Variants in INTS5 observed in about 807,000 individuals in gnomAD.
INTS5 encodes integrator complex subunit 5.
Under a neutral mutation model 60.0 loss-of-function variants are expected in INTS5, and 29 were observed. That is an observed-to-expected ratio of 0.48 (90% CI 0.36 to 0.66). INTS5 has a LOEUF of 0.66. INTS5 is among the 30% of genes least tolerant of loss of function. The probability of loss-of-function intolerance (pLI) is 0.00; values close to 1 mark genes in which losing one functional copy is unlikely to be tolerated. For synonymous variants in INTS5, 588 were observed against 558.8 expected, an observed-to-expected ratio of 1.05 and a Z score of -0.74; for missense variants, 1,129 against 1,307.9, an observed-to-expected ratio of 0.86 and a Z score of 2.11.
chr11:62,649,185 C>G lies in INTS5; in HGVS notation c.895G>C (p.Gly299Arg). The G allele has an allele frequency of 6.2e-7, 1 of 1,613,896 alleles. No individual in the cohort carries two copies. The highest frequency in any genetic ancestry group is 8.5e-7 in the Non-Finnish European group (1 of 1,179,818). Residue 299 changes from glycine (G) to arginine (R), a missense_variant, in exon 2 of 2, where the codon GGT (glycine) becomes CGT (arginine). By Grantham distance (125) the Gly-to-Arg change is moderately radical. Transcript: ENST00000330574. The surrounding 1 kb of genome is among the most constrained non-coding windows in gnomAD (Gnocchi z 6.0). ...TCTCCGTGGCGGGAGGCCAGGTGAC[C>G]TAGGATGCCTACAACTGAGGCAATC... ...PKIASVVGIL[G>R]HLASRHGDSI...
rs1431962175 is a variant in INTS5, at chr11:62,649,970, G to A, written c.110C>T (p.Ala37Val). The change falls in exon 2 of 2, where the codon GCT becomes GTT. Residue 37 changes from alanine (A) to valine (V), a missense_variant. Physicochemically the swap from Ala to Val is moderately conservative, Grantham distance 64. Transcript: ENST00000330574. This position sits in a 1 kb window ranked among gnomAD's most constrained non-coding sequence, Gnocchi z 6.0. ...AATGGGGTCTACGCCAGTCAGAAAA[G>A]CCTTGATTTCCTGGGACAGCTCCTG... ...SAQELSQEIK[A>V]FLTGVDPILG... The A allele has an allele frequency of 6.2e-7, 1 of 1,614,174 alleles. No homozygotes were observed. The highest frequency in any genetic ancestry group is 1.1e-5 in the South Asian group (1 of 91,088).
In INTS5 at chr11:62,647,133, G is replaced by T; in HGVS notation, c.2947C>A (p.Pro983Thr). Reference protein sequence around the residue: ...FSREGGGEGGPHLAVLHSVLH... With the variant: ...FSREGGGEGGTHLAVLHSVLH... The stretch of plus-strand genomic sequence containing the variant: ...ACACTGTGCAGCACAGCCAGATGGG[G>T]TCCACCCTCACCTCCACCCTCCCTG... Residue 983 changes from proline to threonine, a missense_variant, in exon 2 of 2, where the codon CCC (proline) becomes ACC (threonine). Pro to Thr is a conservative substitution (Grantham distance 38). Coordinates refer to ENST00000330574, the MANE Select transcript of INTS5 (RefSeq NM_030628.2). 1.2e-6 allele frequency: 2 copies of T among 1,614,148 alleles called. No homozygotes were observed. Among genetic ancestry groups the T allele is most frequent in the Non-Finnish European group, 1.7e-6 (2 of 1,180,010 alleles).
chr11:62,648,612 G>T lies in INTS5; in HGVS notation c.1468C>A (p.Arg490=), dbSNP rs747879509. 8 of 1,614,058 alleles carry T rather than the reference G, an allele frequency of 5.0e-6. No individual in the cohort carries two copies. The highest frequency in any genetic ancestry group is 2.2e-5 in the South Asian group (2 of 91,082). ...HVGELCGETL[R]LERKRFLWQH... is the part of the protein sequence containing the mutation. ...CAGAGGAAGCGCTTCCGTTCCAATC[G>T]TAACGTCTCTCCACACAGCTCTCCA... The change falls in exon 2 of 2, where the codon CGA becomes AGA. Residue 490 remains arginine, a synonymous_variant. Transcript: ENST00000330574. This position sits in a 1 kb window ranked among gnomAD's most constrained non-coding sequence, Gnocchi z 4.4.
In INTS5 at chr11:62,648,215, G is replaced by A; in HGVS notation, c.1865C>T (p.Ala622Val). 2 of 1,613,692 alleles carry A rather than the reference G, an allele frequency of 1.2e-6. No individual in the cohort carries two copies. Among genetic ancestry groups the A allele is most frequent in the Non-Finnish European group, 1.7e-6 (2 of 1,179,932 alleles). ...GGCCAGGAGAGAGGCAGCAGCTTCA[G>A]CTACTTCCTCCTCAGGATGTAGCAG... is the stretch of plus-strand genomic sequence containing the variant. ...PLLLHPEEEV[A>V]EAAASLLAIC... Residue 622 changes from alanine to valine, a missense_variant, in exon 2 of 2, where the codon GCT becomes GTT. Ala to Val is a moderately conservative substitution (Grantham distance 64). Around this residue, in one of 3 missense-constraint regions of INTS5, gnomAD observed 1,070 missense variants for 1,246.1 expected, o/e 0.86. Transcript: ENST00000330574. The surrounding 1 kb of genome is among the most constrained non-coding windows in gnomAD (Gnocchi z 4.4).
Position 62,649,212 on chromosome 11 carries a change from T to C in INTS5, c.868A>G (p.Lys290Glu), listed in dbSNP as rs1211641662. 1 of 1,613,768 alleles carries C rather than the reference T, an allele frequency of 6.2e-7. No homozygotes were observed. Among genetic ancestry groups the C allele is most frequent in the Non-Finnish European group, 8.5e-7 (1 of 1,179,812 alleles). ...PAIPAEKRVP[K>E]IASVVGILGH... is the part of the protein sequence containing the mutation. ...AGGATGCCTACAACTGAGGCAATCTTGGGCACCCGTTTCTCCGCAGGAATG... is the reference window on the plus strand; with the variant it reads ...AGGATGCCTACAACTGAGGCAATCTCGGGCACCCGTTTCTCCGCAGGAATG... Residue 290 changes from lysine to glutamate, a missense_variant, in exon 2 of 2, where the codon AAG (lysine) becomes GAG (glutamate). Around this residue, in one of 3 missense-constraint regions of INTS5, gnomAD observed 1,070 missense variants for 1,246.1 expected, o/e 0.86. Coordinates refer to ENST00000330574, the MANE Select transcript of INTS5 (RefSeq NM_030628.2). This position sits in a 1 kb window ranked among gnomAD's most constrained non-coding sequence, Gnocchi z 6.0.
In INTS5 at chr11:62,648,377, G is replaced by A; in HGVS notation, c.1703C>T (p.Pro568Leu). 1 of 1,614,178 alleles carries A rather than the reference G, an allele frequency of 6.2e-7. No homozygotes were observed. The highest frequency in any genetic ancestry group is 1.6e-4 in the Middle Eastern group (1 of 6,062). ...GCGCAGGAACCGGGCCGTGAAGGGA[G>A]GCTGTAATGTCCCTGCATGCACCCG... is the stretch of plus-strand genomic sequence containing the variant. ...LARVHAGTLQ[P>L]PFTARFLRNL... Residue 568 changes from proline to leucine, a missense_variant, in exon 2 of 2, where the codon CCT (proline) becomes CTT (leucine). Physicochemically the swap from Pro to Leu is moderately conservative, Grantham distance 98. Transcript: ENST00000330574. This position sits in a 1 kb window ranked among gnomAD's most constrained non-coding sequence, Gnocchi z 4.4.
intron 1 of INTS5, among the ~76,000 whole-genome samples, chr11:62,650,764 G>C (rs1944587220): frequency 6.6e-6 from 1 of 152,074 alleles, no homozygotes; most frequent in South Asian, 2.1e-4. Flanking sequence ...CTGGAGTGCA[G>C]TGCCAAGATC....
rs74418227 is a variant in INTS5 at position 62,648,690 on chromosome 11, G to A, written c.1390C>T (p.Pro464Ser). 5,091 of 1,614,068 alleles carry A rather than the reference G, an allele frequency of 3.2e-3. 9 individuals are homozygous for A. The highest frequency in any genetic ancestry group is 4.0e-3 in the Non-Finnish European group (4,755 of 1,180,006). ...GGCACCAAGCGGGGAGGTGGGGGCG[G>A]GCCTAGCACCCCTTCCCCAGGAGAC... The part of the protein sequence containing the change: ...GGSPGEGVLG[P>S]PPPPRLVPFL... Residue 464 changes from proline (P) to serine (S), a missense_variant, in exon 2 of 2, where the codon CCG (proline) becomes TCG (serine). Pro to Ser is a moderately conservative substitution (Grantham distance 74). Coordinates refer to ENST00000330574, the MANE Select transcript of INTS5 (RefSeq NM_030628.2). This position sits in a 1 kb window ranked among gnomAD's most constrained non-coding sequence, Gnocchi z 4.4.
chr11:62,647,387 G>T lies in INTS5; in HGVS notation c.2693C>A (p.Thr898Asn). The stretch of plus-strand genomic sequence containing the variant: ...TGCCTCCAGGTGCCAGGGGGAGTGG[G>T]TCGTGTCAGGGTGGCGAGAGGCTTC... ...HWEASRHPDT[T>N]HSPWHLEASC... The change falls in exon 2 of 2, where the codon ACC (threonine) becomes AAC (asparagine). Residue 898 changes from threonine (T) to asparagine (N), a missense_variant. Coordinates refer to ENST00000330574, the MANE Select transcript of INTS5 (RefSeq NM_030628.2). The T allele has an allele frequency of 6.2e-7, 1 of 1,612,936 alleles. No homozygotes were observed. Among genetic ancestry groups the T allele is most frequent in the Non-Finnish European group, 8.5e-7 (1 of 1,179,548 alleles).
Position 62,653,182 on chromosome 11 carries a change from G to A in INTS5, c.68C>T (p.Pro23Leu). ...PPGPAPATHG[P>L]APLSAQELSQ... ...GGGCTCTAACTACCTGAGAGGCGCG[G>A]GACCGTGGGTGGCCGGGGCAGGCCC... Residue 23 changes from proline (P) to leucine (L), a missense_variant, in exon 1 of 2, where the codon CCC becomes CTC. Physicochemically the swap from Pro to Leu is moderately conservative, Grantham distance 98. Around this residue, in one of 3 missense-constraint regions of INTS5, gnomAD observed 54 missense variants for 43.1 expected, o/e 1.25. Transcript: ENST00000330574. The A allele has an allele frequency of 4.0e-6, 5 of 1,247,524 alleles. No individual in the cohort carries two copies. Among genetic ancestry groups the A allele is most frequent in the Non-Finnish European group, 5.1e-6 (5 of 987,358 alleles). 77.3% of individuals were successfully genotyped at this position (1,247,524 alleles called of 1,614,324 possible).
chr11:62,646,848 TG>T lies in INTS5; in HGVS notation c.*171del. On this transcript the variant is annotated 3_prime_UTR_variant, in exon 2 of 2. Coordinates refer to ENST00000330574, the MANE Select transcript of INTS5 (RefSeq NM_030628.2). ...TCTCAGCATGACAGAAGCACTGGAC[TG>T]GTTTTCTCAAGTTGGCAAATTTTAT... The T allele has an allele frequency of 2.8e-6, 2 of 723,574 alleles. No homozygotes were observed. The highest frequency in any genetic ancestry group is 2.2e-6 in the Non-Finnish European group (1 of 445,480). 44.8% of individuals were successfully genotyped at this position (723,574 alleles called of 1,614,324 possible). A position where few individuals can be genotyped will look rare whatever the true frequency, so the allele number is the denominator to read the frequency against.
Position 62,653,197 on chromosome 11 carries a change from G to C in INTS5, c.53C>G (p.Pro18Arg). ...GAGAGGCGCGGGACCGTGGGTGGCCGGGGCAGGCCCAGGTGGCCCTGGGGC... is the reference window on the plus strand; with the variant it reads ...GAGAGGCGCGGGACCGTGGGTGGCCCGGGCAGGCCCAGGTGGCCCTGGGGC... ...PGAPGPPGPA[P>R]ATHGPAPLSA... Residue 18 changes from proline to arginine, a missense_variant, in exon 1 of 2, where the codon CCG (proline) becomes CGG (arginine). Around this residue, in one of 3 missense-constraint regions of INTS5, gnomAD observed 54 missense variants for 43.1 expected, o/e 1.25. Transcript: ENST00000330574. The C allele has an allele frequency of 8.0e-7, 1 of 1,247,524 alleles. No individual in the cohort carries two copies. Among genetic ancestry groups the C allele is most frequent in the Non-Finnish European group, 1.0e-6 (1 of 987,620 alleles). The allele number at this position is 1,247,524 out of a possible 1,614,324, so 77.3% of individuals were successfully genotyped here. A position where few individuals can be genotyped will look rare whatever the true frequency, so the allele number is the denominator to read the frequency against.
rs1189664305 is a variant in INTS5 at position 62,653,281 on chromosome 11, C to T, written c.-32G>A. ...GCCCGAGCCGAGCCCGAGGCGCGAGCGGCGGAGCGCAGGCGGCGCATGCGC... is the reference window on the plus strand; with the variant it reads ...GCCCGAGCCGAGCCCGAGGCGCGAGTGGCGGAGCGCAGGCGGCGCATGCGC... On this transcript the variant is annotated 5_prime_UTR_variant, in exon 1 of 2. Coordinates refer to ENST00000330574, the MANE Select transcript of INTS5 (RefSeq NM_030628.2). The T allele has an allele frequency of 8.1e-7, 1 of 1,236,548 alleles. No individual in the cohort carries two copies. Among genetic ancestry groups the T allele is most frequent in the Non-Finnish European group, 1.0e-6 (1 of 982,508 alleles). 76.6% of individuals were successfully genotyped at this position (1,236,548 alleles called of 1,614,324 possible). A position where few individuals can be genotyped will look rare whatever the true frequency, so the allele number is the denominator to read the frequency against.
At chr11:62,650,902 T>C (rs1944587965) in intron 1 of INTS5, among the ~76,000 whole-genome samples, 1 of 152,014 alleles carries the variant, frequency 6.6e-6, no homozygotes, top group Admixed American at 6.6e-5. Flanking sequence ...AGAAATGAGG[T>C]CTGGCTATGT....
In INTS5 at chr11:62,648,640, A is replaced by G. The variant is rs887148636; in HGVS notation, c.1440T>C (p.His480=). The G allele has an allele frequency of 3.0e-5, 49 of 1,613,716 alleles. No homozygotes were observed. Among genetic ancestry groups the G allele is most frequent in the Non-Finnish European group, 4.1e-5 (48 of 1,179,896 alleles). Residue 480 remains histidine (H), a synonymous_variant, in exon 2 of 2, where the codon CAT becomes CAC. Coordinates refer to ENST00000330574, the MANE Select transcript of INTS5 (RefSeq NM_030628.2). The surrounding 1 kb of genome is among the most constrained non-coding windows in gnomAD (Gnocchi z 4.4). The part of the protein sequence containing the change: ...LVPFLDALKN[H]VGELCGETLR... The stretch of plus-strand genomic sequence containing the variant: ...ACGTCTCTCCACACAGCTCTCCAAC[A>G]TGGTTTTTGAGCGCATCTAAAAAGG...
chr11:62,653,106 C>T, intron 1 of INTS5, 64 bp downstream of exon 1: 3 of 1,040,284 alleles, frequency 2.9e-6, no homozygotes, highest in Non-Finnish European at 3.8e-6. Context: ...GGGTTTCTAC[C>T]GAGAAGGCTA....
Position 62,648,016 on chromosome 11 carries a change from G to A in INTS5, c.2064C>T (p.Val688=). 6 of 1,614,218 alleles carry A rather than the reference G, an allele frequency of 3.7e-6. No individual in the cohort carries two copies. Among genetic ancestry groups the A allele is most frequent in the Non-Finnish European group, 4.2e-6 (5 of 1,180,042 alleles). Residue 688 remains valine, a synonymous_variant, in exon 2 of 2, where the codon GTC becomes GTT. Coordinates refer to ENST00000330574, the MANE Select transcript of INTS5 (RefSeq NM_030628.2). This position sits in a 1 kb window ranked among gnomAD's most constrained non-coding sequence, Gnocchi z 4.4. ...AGGCTCCTTCAACCAGCAGCTGCAG[G>A]ACAGCCTTGAGCCCAGCTGGGGATG... is the stretch of plus-strand genomic sequence containing the variant. ...SQTSPAGLKA[V]LQLLVEGALH...
Position 62,648,760 on chromosome 11 carries a change from C to G in INTS5, c.1320G>C (p.Gln440His), listed in dbSNP as rs1944570220. Reference protein sequence around the residue: ...TVREACDRLIQLLLLHLQKLV... With the variant: ...TVREACDRLIHLLLLHLQKLV... ...GTTTTTGCAGGTGCAGCAGCAGCAGCTGGATTAGCCGGTCACAAGCCTCAC... is the reference window on the plus strand; with the variant it reads ...GTTTTTGCAGGTGCAGCAGCAGCAGGTGGATTAGCCGGTCACAAGCCTCAC... The change falls in exon 2 of 2, where the codon CAG (glutamine) becomes CAC (histidine). Residue 440 changes from glutamine (Q) to histidine (H), a missense_variant. Gln to His is a conservative substitution (Grantham distance 24). Coordinates refer to ENST00000330574, the MANE Select transcript of INTS5 (RefSeq NM_030628.2). This position sits in a 1 kb window ranked among gnomAD's most constrained non-coding sequence, Gnocchi z 4.4. 3.7e-6 allele frequency: 6 copies of G among 1,614,198 alleles called. No homozygotes were observed. Among genetic ancestry groups the G allele is most frequent in the Non-Finnish European group, 5.1e-6 (6 of 1,180,034 alleles).
Position 62,646,944 on chromosome 11 carries a change from T to G in INTS5, c.*76A>C. 8.2e-7 allele frequency: 1 copy of G among 1,218,766 alleles called. No individual in the cohort carries two copies. Among genetic ancestry groups the G allele is most frequent in the Non-Finnish European group, 1.2e-6 (1 of 860,092 alleles). 75.5% of individuals were successfully genotyped at this position (1,218,766 alleles called of 1,614,324 possible). A position where few individuals can be genotyped will look rare whatever the true frequency, so the allele number is the denominator to read the frequency against. On this transcript the variant is annotated 3_prime_UTR_variant, in exon 2 of 2. Coordinates refer to ENST00000330574, the MANE Select transcript of INTS5 (RefSeq NM_030628.2). Reference sequence around the variant, plus strand: ...AGACCAAGGACTTAGAAGAGAAACCTCCACCCTTCCGGAGCACGTTAGTCC... The same window carrying G: ...AGACCAAGGACTTAGAAGAGAAACCGCCACCCTTCCGGAGCACGTTAGTCC...
Sources: gnomAD v4.1 joint callset for allele counts (sites outside exome capture counted in the v4.1 genomes callset) on GRCh38, gnomAD v4.1.1 for gene constraint, gnomAD v4.1.1 regional missense constraint, Gnocchi (gnomAD v3.1) non-coding constraint, MANE v1.5 for transcripts, NCBI Gene and HGNC (gene_info 2026-07-23, HGNC 2026-07-21) for gene names.